Variants in CACNA1C observed in about 807,000 individuals in gnomAD.
CACNA1C encodes voltage-dependent L-type calcium channel subunit alpha-1C.
Under a neutral mutation model 229.0 loss-of-function variants are expected in CACNA1C, and 30 were observed. The ratio of observed to expected loss-of-function variants is 0.13; its 90% CI spans 0.10 to 0.18. The LOEUF (loss-of-function observed/expected upper bound fraction) is 0.18, where lower values mean the gene tolerates loss of function less well. Ranked by LOEUF, CACNA1C falls within the 10% of genes least tolerant of loss-of-function variation. The pLI, the probability that CACNA1C is intolerant of heterozygous loss-of-function variation, is 1.00. For synonymous variants in CACNA1C, 1,114 were observed against 1,132.5 expected, an observed-to-expected ratio of 0.98 and a Z score of 0.33; for missense variants, 1,658 against 2,845.0, an observed-to-expected ratio of 0.58 and a Z score of 9.49.
chr12:2,146,367 A>G (rs2094709577), intron 3 of CACNA1C, among the ~76,000 whole-genome samples: 1 of 151,450 alleles, frequency 6.6e-6, no homozygotes, highest in African/African-American at 2.4e-5. Context: ...CGTCATCAGC[A>G]TAGGAATCAG....
rs116538140 is a variant in CACNA1C at position 2,101,859 on chromosome 12, T to C, written c.50-13365T>C. ...CTAGTTCTGCTGCCTGGGAAAGCTG[T>C]ACTCACCCTCTGCCTCTGCCCTCCT... On this transcript the variant is annotated intron_variant, in intron 1 of 46. Transcript: ENST00000399655. 8.5e-3 allele frequency among the ~76,000 whole-genome samples: 1,289 copies of C among 151,866 alleles called. 17 individuals carry two copies. Among genetic ancestry groups the C allele is most frequent in the African/African-American group, 0.029 (1,196 of 41,412 alleles).
intron 3 of CACNA1C, among the ~76,000 whole-genome samples, chr12:2,446,590 A>G (rs1426907618): frequency 1.5e-5 from 2 of 135,984 alleles, no homozygotes; most frequent in Admixed American, 7.2e-5. Flanking sequence ...TGGATGGATG[A>G]ATGGGTGGGT....
intron 29 of CACNA1C, among the ~76,000 whole-genome samples, chr12:2,631,083 CTG>C (rs1437827609): frequency 6.6e-6 from 1 of 152,208 alleles, no homozygotes; most frequent in Admixed American, 6.5e-5. Context: ...CGCTGATTAA[CTG>C]TGTGTGTTTC....
chr12:2,104,453 G>A (rs1294256416), intron 1 of CACNA1C, among the ~76,000 whole-genome samples: 1 of 152,210 alleles, frequency 6.6e-6, no homozygotes, highest in Non-Finnish European at 1.5e-5. Context: ...TTGCTTATCA[G>A]CTTAAGGAGA....
At chr12:2,045,871 T>C (rs2154495754) in intron 1 of CACNA1C, among the ~76,000 whole-genome samples, 1 of 152,008 alleles carries the variant, frequency 6.6e-6, no homozygotes, top group Middle Eastern at 3.4e-3. Flanking sequence ...TTAAGAATTT[T>C]GAGATGAAGA....
At chr12:1,994,041 A>G (rs2040198463) in intron 1 of CACNA1C, among the ~76,000 whole-genome samples, 1 of 152,260 alleles carries the variant, frequency 6.6e-6, no homozygotes, top group African/African-American at 2.4e-5. Context: ...CTCTATAAAA[A>G]TGTGACATTT....
chr12:2,634,263 TTC>T (rs1249139227), intron 29 of CACNA1C, 32 bp from the exon 30 acceptor site: 25 of 1,131,386 alleles, frequency 2.2e-5, no homozygotes, highest in South Asian at 6.6e-5. Flanking sequence ...TTGGTTCTTC[TTC>T]TCTCTCTCCC....
At position 2,108,694 on chromosome 12, in the gene CACNA1C, G is replaced by A. The variant is rs186105800; in HGVS notation, c.50-6530G>A. On this transcript the variant is annotated intron_variant, in intron 1 of 46. Transcript: ENST00000399655. This position sits in a 1 kb window ranked among gnomAD's most constrained non-coding sequence, Gnocchi z 5.3. ...GCACACACCATCCTTCCAGAGAGGAGTGCCACTGGGGTTGAGATGACAGGG... is the reference window on the plus strand; with the variant it reads ...GCACACACCATCCTTCCAGAGAGGAATGCCACTGGGGTTGAGATGACAGGG... Among the ~76,000 whole-genome samples, 11 of 152,328 alleles carry A rather than the reference G, an allele frequency of 7.2e-5. No individual in the cohort carries two copies. The highest frequency in any genetic ancestry group is 2.4e-4 in the African/African-American group (10 of 41,566).
chr12:2,370,506 TTATGTTTTTGAAGCCAACA>T (rs1464895373), intron 3 of CACNA1C, among the ~76,000 whole-genome samples: 3 of 152,244 alleles, frequency 2.0e-5, no homozygotes, highest in Non-Finnish European at 4.4e-5. Flanking sequence ...CTAATAAAAC[TTATGTTTTTGAAGCCAACA>T]AGTTGAAATG....
At chr12:2,636,009 G>A (rs1409414833) in intron 30 of CACNA1C, among the ~76,000 whole-genome samples, 1 of 152,198 alleles carries the variant, frequency 6.6e-6, no homozygotes, top group Non-Finnish European at 1.5e-5. Flanking sequence ...GCAGCTGGAT[G>A]AGCCCCAAGT....
At chr12:2,547,391 G>A (rs887909802) in intron 9 of CACNA1C, 32 of 772,034 alleles carry the variant, frequency 4.1e-5, no homozygotes, top group Admixed American at 4.1e-4. Context: ...GGCTGACTGC[G>A]TGTGCTCTAT....
chr12:1,979,503 G>C (rs2035485746), intron 1 of CACNA1C, among the ~76,000 whole-genome samples: 1 of 151,830 alleles, frequency 6.6e-6, no homozygotes, highest in Non-Finnish European at 1.5e-5. Context: ...GTAGAGAGGG[G>C]GTTTCACCAT....
chr12:2,306,435 G>A (rs1261181533), intron 3 of CACNA1C, among the ~76,000 whole-genome samples: 2 of 152,212 alleles, frequency 1.3e-5, no homozygotes, highest in Non-Finnish European at 1.5e-5. Context: ...CCCTGGAAAT[G>A]CCTCATAGCT....
At chr12:2,221,025 G>GA (rs2061337730) in intron 3 of CACNA1C, among the ~76,000 whole-genome samples, 1 of 152,218 alleles carries the variant, frequency 6.6e-6, no homozygotes, top group Non-Finnish European at 1.5e-5. Context: ...GTTGGTCAGG[G>GA]AGGTCCCCTC....
intron 21 of CACNA1C, among the ~76,000 whole-genome samples, chr12:2,598,414 C>A (rs1368865734): frequency 6.6e-6 from 1 of 152,222 alleles, no homozygotes; most frequent in African/African-American, 2.4e-5. Flanking sequence ...CAATGCGTGG[C>A]AAGCCAGTTC....
At chr12:2,174,005 A>G (rs962219541) in intron 3 of CACNA1C, among the ~76,000 whole-genome samples, 6 of 152,134 alleles carry the variant, frequency 3.9e-5, no homozygotes, top group African/African-American at 1.4e-4. Flanking sequence ...AGCAGCAGAC[A>G]TCAAAGGGCG....
chr12:2,446,767 G>T (rs959003419), intron 3 of CACNA1C, among the ~76,000 whole-genome samples: 2 of 151,746 alleles, frequency 1.3e-5, no homozygotes, highest in African/African-American at 4.8e-5. Flanking sequence ...TGAGTGGGTG[G>T]GTGGGTGAAT....
At chr12:2,645,733 A>C (rs1257748241) in intron 30 of CACNA1C, among the ~76,000 whole-genome samples, 4 of 152,186 alleles carry the variant, frequency 2.6e-5, no homozygotes, top group Non-Finnish European at 4.4e-5. Context: ...CTCTGATTTC[A>C]TCGCGAGTGG....
At chr12:2,357,970 CAAAAAA>C (rs34774514) in intron 3 of CACNA1C, among the ~76,000 whole-genome samples, 2 of 106,310 alleles carry the variant, frequency 1.9e-5, no homozygotes, top group East Asian at 5.3e-4. Flanking sequence ...AACTCAGTCT[CAAAAAA>C]AAAAAAAAAA....
Sources: allele counts gnomAD v4.1 joint callset (sites outside exome capture counted in the v4.1 genomes callset), GRCh38; gene constraint gnomAD v4.1.1; non-coding constraint Gnocchi (gnomAD v3.1); transcripts MANE v1.5; gene names NCBI Gene and HGNC (gene_info 2026-07-23, HGNC 2026-07-21).